The following ZNF613 variants were observed in gnomAD, a reference collection of about 807,000 sequenced individuals.
ZNF613 encodes the protein zinc finger protein 613.
ZNF613 carries 8 observed loss-of-function variants against 14.3 expected under a neutral mutation model. The ratio of observed to expected loss-of-function variants is 0.56; its 90% CI spans 0.33 to 1.01. The LOEUF (loss-of-function observed/expected upper bound fraction) is 1.01, where lower values mean the gene tolerates loss of function less well. ZNF613 is among the 50% of genes least tolerant of loss of function. The pLI, the probability that ZNF613 is intolerant of heterozygous loss-of-function variation, is 0.03. For missense variants in ZNF613, 656 were observed against 741.9 expected (o/e 0.88, Z 1.35); for synonymous variants, 228 against 254.5 (o/e 0.90, Z 0.99).
Position 51,944,566 on chromosome 19 carries a change from G to A in ZNF613, c.683G>A (p.Gly228Glu), listed in dbSNP as rs1306679933. 2 of 1,614,028 alleles carry A rather than the reference G, an allele frequency of 1.2e-6. No individual in the cohort carries two copies. Among genetic ancestry groups the A allele is most frequent in the Admixed American group, 3.3e-5 (2 of 60,002 alleles). The change falls in exon 6 of 6, where the codon GGG (glycine) becomes GAG (glutamate). Residue 228 changes from glycine to glutamate, a missense_variant. By Grantham distance (98) the Gly-to-Glu change is moderately conservative. Transcript: ENST00000293471. ...RLIYHQRVHT[G>E]EKPHGCSICG... ...ATCTATCATCAGAGAGTTCACACTGGGGAGAAACCTCATGGATGCAGTATA... is the reference window on the plus strand; with the variant it reads ...ATCTATCATCAGAGAGTTCACACTGAGGAGAAACCTCATGGATGCAGTATA...
At chr19:51,943,440 A>C (rs1429941814) in intron 5 of ZNF613, among the ~76,000 whole-genome samples, 1 of 152,194 alleles carries the variant, frequency 6.6e-6, no homozygotes, top group Non-Finnish European at 1.5e-5. Context: ...CATGCTGTGT[A>C]CCCTACCCAC....
Position 51,936,094 on chromosome 19 carries a change from A to G in ZNF613, c.-127A>G. Reference sequence around the variant, plus strand: ...GTGAGGAGGAGGTTCCAGGACCTGGATACCATCCTTTGCAGGGATGTAATT... The same window carrying G: ...GTGAGGAGGAGGTTCCAGGACCTGGGTACCATCCTTTGCAGGGATGTAATT... On this transcript the variant is annotated 5_prime_UTR_variant, in exon 3 of 6. Coordinates refer to ENST00000293471, the MANE Select transcript of ZNF613 (RefSeq NM_001031721.4). The G allele has an allele frequency of 1.0e-6, 1 of 984,628 alleles. No homozygotes were observed. Among genetic ancestry groups the G allele is most frequent in the Non-Finnish European group, 1.5e-6 (1 of 668,782 alleles). 61.0% of individuals were successfully genotyped at this position (984,628 alleles called of 1,614,324 possible). A position where few individuals can be genotyped will look rare whatever the true frequency, so the allele number is the denominator to read the frequency against.
chr19:51,945,685 A>T lies in ZNF613; in HGVS notation c.1802A>T (p.Gln601Leu), dbSNP rs1161008915. The change falls in exon 6 of 6, where the codon CAG becomes CTG. Residue 601 changes from glutamine to leucine, a missense_variant. Physicochemically the swap from Gln to Leu is moderately radical, Grantham distance 113 (BLOSUM62 -2). Transcript: ENST00000293471. The part of the protein sequence containing the change: ...QAESKVAIVS[Q>L]PVARSSVSAD... ...GAGAGCAAAGTAGCCATTGTGAGCCAGCCTGTTGCCAGAAGTTCAGTCTCA... is the reference window on the plus strand; with the variant it reads ...GAGAGCAAAGTAGCCATTGTGAGCCTGCCTGTTGCCAGAAGTTCAGTCTCA... 2.5e-6 allele frequency: 4 copies of T among 1,614,098 alleles called. No individual in the cohort carries two copies. Among genetic ancestry groups the T allele is most frequent in the Non-Finnish European group, 3.4e-6 (4 of 1,180,040 alleles).
At position 51,940,310 on chromosome 19, in the gene ZNF613, G is replaced by T; in HGVS notation, c.117G>T (p.Glu39Asp). The change falls in exon 4 of 6, where the codon GAG becomes GAT. Residue 39 changes from glutamate to aspartate, a missense_variant. Physicochemically the swap from Glu to Asp is conservative, Grantham distance 45. Coordinates refer to ENST00000293471, the MANE Select transcript of ZNF613 (RefSeq NM_001031721.4). ...ACCTGTACCGAGACGTGATGTTGGA[G>T]AACTATAGCAACCTCGTGTCAGTGG... ...QKDLYRDVML[E>D]NYSNLVSVGY... The T allele has an allele frequency of 6.2e-7, 1 of 1,613,696 alleles. No homozygotes were observed. Among genetic ancestry groups the T allele is most frequent in the Non-Finnish European group, 8.5e-7 (1 of 1,179,766 alleles).
Position 51,945,896 on chromosome 19 carries a change from A to G in ZNF613, c.*159A>G, listed in dbSNP as rs1319758598. On this transcript the variant is annotated 3_prime_UTR_variant, in exon 6 of 6. Coordinates refer to ENST00000293471, the MANE Select transcript of ZNF613 (RefSeq NM_001031721.4). Reference sequence around the variant, plus strand: ...ATATACTCAGAGAAAAATAGTATGAAGTGGAGACTGGGAAATTCTTTTATG... The same window carrying G: ...ATATACTCAGAGAAAAATAGTATGAGGTGGAGACTGGGAAATTCTTTTATG... 1 of 740,466 alleles carries G rather than the reference A, an allele frequency of 1.4e-6. No individual in the cohort carries two copies. The highest frequency in any genetic ancestry group is 2.2e-6 in the Non-Finnish European group (1 of 463,828). The allele number at this position is 740,466 out of a possible 1,614,324, so 45.9% of individuals were successfully genotyped here.
At chr19:51,932,499 G>A (rs1175303736) in intron 2 of ZNF613, among the ~76,000 whole-genome samples, 1 of 150,460 alleles carries the variant, frequency 6.6e-6, no homozygotes. Flanking sequence ...GTTTCTCCAT[G>A]TTGGTCGGGC....
chr19:51,937,954 C>T (rs2085317673), intron 3 of ZNF613, among the ~76,000 whole-genome samples: 1 of 151,878 alleles, frequency 6.6e-6, no homozygotes. Context: ...TGGTCTTGAA[C>T]TCCTGACCTC....
In ZNF613 at chr19:51,945,974, T is replaced by C; in HGVS notation, c.*237T>C. 1.9e-6 allele frequency: 1 copy of C among 519,686 alleles called. No individual in the cohort carries two copies. Among genetic ancestry groups the C allele is most frequent in the African/African-American group, 1.9e-5 (1 of 52,194 alleles). The allele number at this position is 519,686 out of a possible 1,614,324, so 32.2% of individuals were successfully genotyped here. On this transcript the variant is annotated 3_prime_UTR_variant, in exon 6 of 6. Coordinates refer to ENST00000293471, the MANE Select transcript of ZNF613 (RefSeq NM_001031721.4). ...ATAGATCACATCTTCAGTGAGCTTA[T>C]AGTTGGTAGAAATATAATGATCATG...
At chr19:51,943,727 T>TG (rs1243813764) in intron 5 of ZNF613, among the ~76,000 whole-genome samples, 2 of 152,116 alleles carry the variant, frequency 1.3e-5, no homozygotes, top group African/African-American at 4.8e-5. Context: ...ATCCATGGTG[T>TG]GGGGGGTGTC....
In ZNF613 at chr19:51,944,983, C is replaced by T. The variant is rs373380872; in HGVS notation, c.1100C>T (p.Thr367Ile). ...SQLNAHQKAH[T>I]GEKSYICRDC... The stretch of plus-strand genomic sequence containing the variant: ...CTCAATGCACATCAGAAAGCTCACA[C>T]AGGAGAGAAGTCATATATATGCCGT... Residue 367 changes from threonine to isoleucine, a missense_variant, in exon 6 of 6, where the codon ACA becomes ATA. Physicochemically the swap from Thr to Ile is moderately conservative, Grantham distance 89. Coordinates refer to ENST00000293471, the MANE Select transcript of ZNF613 (RefSeq NM_001031721.4). The T allele has an allele frequency of 4.1e-5, 66 of 1,614,054 alleles. 1 individual carries two copies. In the Middle Eastern group the frequency reaches 1.2e-3, roughly 28 times the overall value.
At chr19:51,927,870 G>C (rs1307212322) in intron 1 of ZNF613, 1 of 152,124 alleles carries the variant, frequency 6.6e-6, no homozygotes, top group African/African-American at 2.4e-5. Flanking sequence ...TTATTTTTGA[G>C]ACAGGGTCTC....
chr19:51,942,936 A>G (rs1174930017), intron 5 of ZNF613: 1 of 152,204 alleles, frequency 6.6e-6, no homozygotes, highest in Admixed American at 6.5e-5. Flanking sequence ...TGACCTCATG[A>G]TCCACGTGCC....
At chr19:51,937,167 C>G (rs1050888365) in intron 3 of ZNF613, among the ~76,000 whole-genome samples, 47 of 152,254 alleles carry the variant, frequency 3.1e-4, no homozygotes, top group African/African-American at 1.1e-3. Flanking sequence ...AAAGTGCTTT[C>G]CTGAGCTCTG....
intron 1 of ZNF613, among the ~76,000 whole-genome samples, chr19:51,929,193 T>C (rs2085243930): frequency 6.6e-6 from 1 of 152,240 alleles, no homozygotes; most frequent in Non-Finnish European, 1.5e-5. Flanking sequence ...ATAGTAAACA[T>C]ATCATCCATG....
intron 2 of ZNF613, among the ~76,000 whole-genome samples, chr19:51,934,178 T>C (rs1217010325): frequency 6.6e-6 from 1 of 152,180 alleles, no homozygotes; most frequent in Non-Finnish European, 1.5e-5. Flanking sequence ...CTGACCAAGT[T>C]TTTGTTTTTT....
In ZNF613 at chr19:51,945,790, A is replaced by T; in HGVS notation, c.*53A>T. On this transcript the variant is annotated 3_prime_UTR_variant, in exon 6 of 6. Coordinates refer to ENST00000293471, the MANE Select transcript of ZNF613 (RefSeq NM_001031721.4). ...AGTGCTTTCAGTGATCAATTACATC[A>T]TATGTCACAAAAAACACAGAGGAAC... is the stretch of plus-strand genomic sequence containing the variant. 6.3e-7 allele frequency: 1 copy of T among 1,592,704 alleles called. No individual in the cohort carries two copies. The highest frequency in any genetic ancestry group is 8.6e-7 in the Non-Finnish European group (1 of 1,166,182).
At chr19:51,937,732 T>TTC (rs1243640127) in intron 3 of ZNF613, among the ~76,000 whole-genome samples, 1 of 145,872 alleles carries the variant, frequency 6.9e-6, no homozygotes, top group African/African-American at 2.5e-5. Context: ...TTTCTTTTTT[T>TTC]TTTTTTTTTT....
At position 51,944,624 on chromosome 19, in the gene ZNF613, C is replaced by T. The variant is rs1193070213; in HGVS notation, c.741C>T (p.Leu247=). ...AAGCCTTCTCCAGAAAGTCCGGGCT[C>T]ACTGAACACCAGAGAAACCACACAG... The part of the protein sequence containing the change: ...CGKAFSRKSG[L]TEHQRNHTGE... Residue 247 remains leucine, a synonymous_variant, in exon 6 of 6, where the codon CTC becomes CTT. Transcript: ENST00000293471. 3 of 1,614,066 alleles carry T rather than the reference C, an allele frequency of 1.9e-6. No individual in the cohort carries two copies. Among genetic ancestry groups the T allele is most frequent in the South Asian group, 2.2e-5 (2 of 91,090 alleles).
At position 51,944,125 on chromosome 19, in the gene ZNF613, A is replaced by C. The variant is rs757531903; in HGVS notation, c.242A>C (p.Lys81Thr). The C allele has an allele frequency of 4.6e-5, 70 of 1,524,984 alleles. No homozygotes were observed. In the East Asian group the frequency reaches 1.5e-3, roughly 33 times the overall value. The allele number at this position is 1,524,984 out of a possible 1,614,324, so 94.5% of individuals were successfully genotyped here. A position where few individuals can be genotyped will look rare whatever the true frequency, so the allele number is the denominator to read the frequency against. Reference protein sequence around the residue: ...EIHSQICPEIKKVDNHLQMHS... With the variant: ...EIHSQICPEITKVDNHLQMHS... ...TTGTTCTCTTCTTTCCTAGAAATCA[A>C]GAAAGTTGACAATCATCTACAGATG... is the stretch of plus-strand genomic sequence containing the variant. The change falls in exon 6 of 6, where the codon AAG (lysine) becomes ACG (threonine). Residue 81 changes from lysine to threonine, a missense_variant. Transcript: ENST00000293471.
Sources: allele counts gnomAD v4.1 joint callset (sites outside exome capture counted in the v4.1 genomes callset), GRCh38; gene constraint gnomAD v4.1.1; transcripts MANE v1.5; gene names NCBI Gene and HGNC (gene_info 2026-07-23, HGNC 2026-07-21).